The following ZNF365 variants were observed in gnomAD, a reference collection of about 807,000 sequenced individuals.
The protein encoded by ZNF365 is protein ZNF365.
Under a neutral mutation model 35.0 loss-of-function variants are expected in ZNF365, and 22 were observed. The observed-to-expected ratio is 0.63, with a 90% CI of 0.45 to 0.90. ZNF365 has a LOEUF of 0.90. ZNF365 is among the 40% of genes least tolerant of loss of function. The probability of loss-of-function intolerance (pLI) is 0.00; values close to 1 mark genes in which losing one functional copy is unlikely to be tolerated. For synonymous variants in ZNF365, 188 were observed against 196.2 expected, an observed-to-expected ratio of 0.96 and a Z score of 0.35; for missense variants, 448 against 500.3, an observed-to-expected ratio of 0.90 and a Z score of 1.00.
intron 3 of ZNF365, among the ~76,000 whole-genome samples, chr10:62,440,783 C>T (rs1464490845): frequency 6.6e-6 from 1 of 152,214 alleles, no homozygotes; most frequent in Non-Finnish European, 1.5e-5. Context: ...TCTGAAAGTA[C>T]ACCCAGGAAT....
rs182810849 is a variant in ZNF365 at position 62,378,916 on chromosome 10, T to C, written c.743+1980T>C. 2.6e-5 allele frequency among the ~76,000 whole-genome samples: 4 copies of C among 152,302 alleles called. No individual in the cohort carries two copies. The East Asian group carries it at 7.7e-4, about 29-fold the overall frequency. On this transcript the variant is annotated intron_variant, in intron 2 of 4. Coordinates refer to ENST00000395254, the MANE Select transcript of ZNF365 (RefSeq NM_014951.3). ...TTAACCAGTTTGTTATTGATGAATATATAGTTTTATTCCATTTTCCTAGTA... is the reference window on the plus strand; with the variant it reads ...TTAACCAGTTTGTTATTGATGAATACATAGTTTTATTCCATTTTCCTAGTA...
At chr10:62,463,960 A>G (rs984999866) in intron 4 of ZNF365, among the ~76,000 whole-genome samples, 2 of 152,240 alleles carry the variant, frequency 1.3e-5, no homozygotes, top group African/African-American at 4.8e-5. Context: ...CACTGACACC[A>G]GCGGGATGTA....
chr10:62,376,625 G>A lies in ZNF365; in HGVS notation c.432G>A (p.Ser144=), dbSNP rs528108150. The stretch of plus-strand genomic sequence containing the variant: ...CAGACTCGCTGGATGGGACACGGTC[G>A]GGTCCTGGACTGCCCACCTCAGACA... ...LHADSLDGTR[S]GPGLPTSDTK... The change falls in exon 2 of 5, where the codon TCG becomes TCA. Residue 144 remains serine (S), a synonymous_variant. Transcript: ENST00000395254. 1.5e-5 allele frequency: 25 copies of A among 1,614,128 alleles called. No homozygotes were observed. Among genetic ancestry groups the A allele is most frequent in the African/African-American group, 2.7e-5 (2 of 75,038 alleles).
At chr10:62,454,155 C>T (rs546651667) in intron 3 of ZNF365, among the ~76,000 whole-genome samples, 1 of 152,342 alleles carries the variant, frequency 6.6e-6, no homozygotes, top group South Asian at 2.1e-4. Context: ...TCATAGGGAA[C>T]TTACCAGGTA....
intron 2 of ZNF365, among the ~76,000 whole-genome samples, chr10:62,386,338 T>C (rs1313197032): frequency 6.6e-6 from 1 of 152,200 alleles, no homozygotes; most frequent in Admixed American, 6.5e-5. Context: ...GGAAATAAAC[T>C]TGAAACTTGA....
At chr10:62,430,954 A>G (rs889638573) in intron 3 of ZNF365, among the ~76,000 whole-genome samples, 1 of 152,228 alleles carries the variant, frequency 6.6e-6, no homozygotes, top group Non-Finnish European at 1.5e-5. Context: ...AGAATCTAAT[A>G]CTATCATTTT....
intron 2 of ZNF365, 150 bp from the exon 3 acceptor site, chr10:62,388,246 A>G (rs1480261196): frequency 1.4e-6 from 1 of 736,172 alleles, no homozygotes; most frequent in African/African-American, 1.8e-5. Context: ...AAATGTAATC[A>G]CAAAGAGGTG....
At chr10:62,421,986 G>A (rs1589446761) in intron 3 of ZNF365, among the ~76,000 whole-genome samples, 1 of 152,140 alleles carries the variant, frequency 6.6e-6, no homozygotes, top group African/African-American at 2.4e-5. Context: ...TATCTGCAAG[G>A]TACTGCCATA....
chr10:62,473,279 G>A (rs1209358158), intron 4 of ZNF365, among the ~76,000 whole-genome samples: 1 of 152,190 alleles, frequency 6.6e-6, no homozygotes, highest in Non-Finnish European at 1.5e-5. Context: ...TTTTGCTTGG[G>A]GGTAGAGCAA....
chr10:62,401,746 A>G lies in ZNF365; in HGVS notation c.*1957A>G. On this transcript the variant is annotated 3_prime_UTR_variant, in exon 5 of 5. Coordinates refer to ENST00000395254, the MANE Select transcript of ZNF365 (RefSeq NM_014951.3). Reference sequence around the variant, plus strand: ...GTCCTGTAATGTGTGTGCAATGACAACTTGTTTCTGTTTTATTTAAAGTAA... The same window carrying G: ...GTCCTGTAATGTGTGTGCAATGACAGCTTGTTTCTGTTTTATTTAAAGTAA... 5 of 985,456 alleles carry G rather than the reference A, an allele frequency of 5.1e-6. No homozygotes were observed. The highest frequency in any genetic ancestry group is 6.0e-6 in the Non-Finnish European group (5 of 829,902). 61.0% of individuals were successfully genotyped at this position (985,456 alleles called of 1,614,324 possible). A position where few individuals can be genotyped will look rare whatever the true frequency, so the allele number is the denominator to read the frequency against.
chr10:62,429,314 G>C (rs745599010), intron 3 of ZNF365, among the ~76,000 whole-genome samples: 6 of 152,170 alleles, frequency 3.9e-5, no homozygotes, highest in Non-Finnish European at 8.8e-5. Context: ...ACTGATTGCT[G>C]TTTGGCACTT....
chr10:62,428,345 C>T (rs1269111295), intron 3 of ZNF365, among the ~76,000 whole-genome samples: 1 of 152,036 alleles, frequency 6.6e-6, no homozygotes, highest in Non-Finnish European at 1.5e-5. Context: ...TGGGAGGGAC[C>T]TGGTGGGATG....
At chr10:62,469,615 G>A (rs1163015204) in intron 4 of ZNF365, among the ~76,000 whole-genome samples, 4 of 151,838 alleles carry the variant, frequency 2.6e-5, no homozygotes, top group Admixed American at 6.6e-5. Flanking sequence ...CATTATACAC[G>A]TATGTGTGTG....
intron 3 of ZNF365, among the ~76,000 whole-genome samples, chr10:62,430,756 T>A (rs903235785): frequency 1.3e-5 from 2 of 152,232 alleles, no homozygotes; most frequent in Non-Finnish European, 2.9e-5. Context: ...TTCCAGCCTA[T>A]GCAAATGCTT....
intron 2 of ZNF365, among the ~76,000 whole-genome samples, chr10:62,382,501 A>G (rs900005389): frequency 1.3e-5 from 2 of 152,170 alleles, no homozygotes; most frequent in African/African-American, 4.8e-5. Flanking sequence ...TTCAATTTCT[A>G]TCTCTGCATA....
Position 62,399,555 on chromosome 10 carries a change from T to G in ZNF365, c.990T>G (p.Cys330Trp), listed in dbSNP as rs544073593. 1 of 1,614,106 alleles carries G rather than the reference T, an allele frequency of 6.2e-7. No individual in the cohort carries two copies. Among genetic ancestry groups the G allele is most frequent in the East Asian group, 2.2e-5 (1 of 44,886 alleles). The change falls in exon 5 of 5, where the codon TGT becomes TGG. Residue 330 changes from cysteine (C) to tryptophan (W), a missense_variant. By Grantham distance (215) the Cys-to-Trp change is radical. Transcript: ENST00000395254. ...GCCGAGGGCACCCGCATTCGGTATGTAACCACCCTGATCTCAAGGCCCATT... is the reference window on the plus strand; with the variant it reads ...GCCGAGGGCACCCGCATTCGGTATGGAACCACCCTGATCTCAAGGCCCATT... The part of the protein sequence containing the change: ...CLSRGHPHSV[C>W]NHPDLKAHFH...
At chr10:62,409,562 C>T (rs1839955475) in intron 3 of ZNF365, among the ~76,000 whole-genome samples, 1 of 152,088 alleles carries the variant, frequency 6.6e-6, no homozygotes, top group African/African-American at 2.4e-5. Flanking sequence ...ATGAAGTGGT[C>T]ATTGACTCTG....
intron 3 of ZNF365, among the ~76,000 whole-genome samples, chr10:62,390,564 G>A (rs1589431443): frequency 6.6e-6 from 1 of 152,196 alleles, no homozygotes; most frequent in African/African-American, 2.4e-5. Context: ...GTAATCAAAA[G>A]TTGGGTAGCA....
At chr10:62,403,657 CA>C (rs899657737), downstream of ZNF365, among the ~76,000 whole-genome samples, 5 of 150,648 alleles carry the variant, frequency 3.3e-5, no homozygotes, top group Non-Finnish European at 7.4e-5. Flanking sequence ...GACTCCATCT[CA>C]AAAAAAACAA....
Sources: allele counts gnomAD v4.1 joint callset (sites outside exome capture counted in the v4.1 genomes callset), GRCh38; gene constraint gnomAD v4.1.1; transcripts MANE v1.5; gene names NCBI Gene and HGNC (gene_info 2026-07-23, HGNC 2026-07-21).